The following SLC8A1 variants were observed in gnomAD, a reference collection of about 807,000 sequenced individuals.
The protein encoded by SLC8A1 is sodium/calcium exchanger 1.
SLC8A1 carries 18 observed loss-of-function variants against 68.3 expected under a neutral mutation model. The ratio of observed to expected loss-of-function variants is 0.26; its 90% confidence interval spans 0.18 to 0.39. The LOEUF (loss-of-function observed/expected upper bound fraction) is 0.39. Among genes scored for constraint, SLC8A1 ranks in the 10% least tolerant of loss-of-function variants. The pLI is 1.00. For synonymous variants in SLC8A1, 475 were observed against 415.5 expected, an observed-to-expected ratio of 1.14 and a Z score of -1.74; for missense variants, 985 against 1,156.7, an observed-to-expected ratio of 0.85 and a Z score of 2.15.
At chr2:40,228,954 TAAGA>T (rs1392507455) in intron 2 of SLC8A1, among the ~76,000 whole-genome samples, 4 of 152,164 alleles carry the variant, frequency 2.6e-5, no homozygotes, top group African/African-American at 9.7e-5. Context: ...TTATTAACCA[TAAGA>T]AAGGAAAAGC....
intron 2 of SLC8A1, among the ~76,000 whole-genome samples, chr2:40,346,733 G>A (rs1192929988): frequency 6.6e-6 from 1 of 152,064 alleles, no homozygotes; most frequent in African/African-American, 2.4e-5. Context: ...TGTTTTGTCT[G>A]CATCCTGTCT....
intron 2 of SLC8A1, among the ~76,000 whole-genome samples, chr2:40,381,030 G>A (rs1221530595): frequency 6.6e-6 from 1 of 151,974 alleles, no homozygotes; most frequent in African/African-American, 2.4e-5. Flanking sequence ...ACTTAGGATT[G>A]GTCAATTCCC....
chr2:40,208,334 C>T (rs1028110282), intron 2 of SLC8A1: 14 of 152,134 alleles, frequency 9.2e-5, no homozygotes, highest in Non-Finnish European at 1.8e-4. Context: ...TCTAAAATCT[C>T]AGATATACAC....
chr2:40,380,364 C>T (rs918001), intron 2 of SLC8A1, among the ~76,000 whole-genome samples: 87,076 of 152,100 alleles, frequency 0.57, 26,072 homozygotes, highest in African/African-American at 0.73. Context: ...CTATGAAATG[C>T]CTTTAGCATA....
rs193149251 is a variant in SLC8A1 at position 40,442,488 on chromosome 2, C to A, written c.-25+9416G>T. Among the ~76,000 whole-genome samples the A allele has an allele frequency of 3.3e-5, 5 of 150,646 alleles. No individual in the cohort carries two copies. In the East Asian group the frequency reaches 9.8e-4, roughly 29 times the overall value. On this transcript the variant is annotated intron_variant, in intron 1 of 7. Coordinates refer to ENST00000406785, the Ensembl canonical transcript of SLC8A1. ...CAAAAGAAGTCATTTATGCAGCCAACAAACATATCAAGAAAAGCTCATCAT... is the reference window on the plus strand; with the variant it reads ...CAAAAGAAGTCATTTATGCAGCCAAAAAACATATCAAGAAAAGCTCATCAT...
At chr2:40,411,866 T>C (rs1012654261) in intron 2 of SLC8A1, among the ~76,000 whole-genome samples, 7 of 152,222 alleles carry the variant, frequency 4.6e-5, no homozygotes, top group African/African-American at 1.7e-4. Context: ...GGGTATCCTG[T>C]TTTTATACAG....
chr2:40,227,095 C>G (rs1478875595), intron 2 of SLC8A1, among the ~76,000 whole-genome samples: 1 of 152,066 alleles, frequency 6.6e-6, no homozygotes, highest in African/African-American at 2.4e-5. Context: ...CTTGATTATT[C>G]TGGCTGGGTA....
chr2:40,414,180 T>C (rs1352280419), intron 2 of SLC8A1, among the ~76,000 whole-genome samples: 4 of 152,132 alleles, frequency 2.6e-5, no homozygotes, highest in Admixed American at 6.6e-5. Context: ...ATGAGTGAAA[T>C]TGTATTATTT....
intron 2 of SLC8A1, among the ~76,000 whole-genome samples, chr2:40,273,870 T>TC (rs1253848898): frequency 1.3e-5 from 2 of 150,078 alleles, no homozygotes; most frequent in African/African-American, 2.5e-5. Flanking sequence ...AGTCCTTTTT[T>TC]TTTTTTTTTT....
intron 2 of SLC8A1, among the ~76,000 whole-genome samples, chr2:40,295,516 A>T (rs895851908): frequency 6.6e-6 from 1 of 152,210 alleles, no homozygotes; most frequent in Middle Eastern, 3.2e-3. Context: ...ATCTATAAAC[A>T]TTAGTAAAGA....
chr2:40,502,238 G>T (rs1219913949), intron 1 of SLC8A1, among the ~76,000 whole-genome samples: 4 of 151,994 alleles, frequency 2.6e-5, no homozygotes, highest in Non-Finnish European at 1.5e-5. Flanking sequence ...TCCCAATTTA[G>T]CTTCCCTTTC....
chr2:40,196,777 T>C (rs1385522216), intron 2 of SLC8A1, among the ~76,000 whole-genome samples: 1 of 152,052 alleles, frequency 6.6e-6, no homozygotes, highest in Non-Finnish European at 1.5e-5. Context: ...TTTACACTTT[T>C]CCATGACGCT....
chr2:40,133,710 C>A (rs532467104), intron 7 of SLC8A1, among the ~76,000 whole-genome samples: 10 of 57,804 alleles, frequency 1.7e-4, no homozygotes, highest in Non-Finnish European at 3.0e-4. Context: ...ATCCCCCCCC[C>A]CCACCGACTC....
At chr2:40,270,566 A>T (rs1337798933) in intron 2 of SLC8A1, among the ~76,000 whole-genome samples, 1 of 152,106 alleles carries the variant, frequency 6.6e-6, no homozygotes, top group East Asian at 1.9e-4. Flanking sequence ...CTGTCCTTCC[A>T]TAGTTGCATT....
At chr2:40,360,513 T>G (rs1021508363) in intron 2 of SLC8A1, among the ~76,000 whole-genome samples, 1 of 152,200 alleles carries the variant, frequency 6.6e-6, no homozygotes. Context: ...TTCCTGAGAA[T>G]GTACTGTGTG....
In SLC8A1 at chr2:40,212,281, A is replaced by ATGTTTTTTT. The variant is rs371395367; in HGVS notation, c.1809-34427_1809-34426insAAAAAAACA. Among the ~76,000 whole-genome samples, 817 of 118,120 alleles carry ATGTTTTTTT rather than the reference A, an allele frequency of 6.9e-3. 81 individuals carry two copies. The highest frequency in any genetic ancestry group is 0.019 in the African/African-American group (614 of 32,226). The allele number at this position is 118,120 out of a possible 152,430, so 77.5% of individuals were successfully genotyped here. On this transcript the variant is annotated intron_variant, in intron 2 of 7. Transcript: ENST00000406785. ...AGGTGCTAAACAGAAGAGATGCAAT[A>ATGTTTTTTT]TCTTTTTTTTTTTTTTTTTTCCTGA...
chr2:40,199,533 G>A (rs1256083361), intron 2 of SLC8A1, among the ~76,000 whole-genome samples: 1 of 151,276 alleles, frequency 6.6e-6, no homozygotes, highest in Non-Finnish European at 1.5e-5. Flanking sequence ...AACAATACTA[G>A]ATCAAAAAGG....
Position 40,478,859 on chromosome 2 carries a change from C to T in SLC8A1, c.-25+33490G>A, listed in dbSNP as rs538334456. 8.6e-5 allele frequency among the ~76,000 whole-genome samples: 13 copies of T among 151,980 alleles called. No homozygotes were observed. The South Asian group carries it at 2.3e-3, about 27-fold the overall frequency. ...CAGTCCCAGCTCACTGCAACCTCCG[C>T]CTCCTGGGTTCAAGCAATTCTCATG... On this transcript the variant is annotated intron_variant, in intron 1 of 7. Transcript: ENST00000402441.
intron 1 of SLC8A1, among the ~76,000 whole-genome samples, chr2:40,450,786 G>A (rs1465424418): frequency 6.6e-6 from 1 of 152,200 alleles, no homozygotes; most frequent in Non-Finnish European, 1.5e-5. Context: ...GCTTCAAAAG[G>A]ATACCTAGCG....
Sources: allele counts gnomAD v4.1 joint callset (sites outside exome capture counted in the v4.1 genomes callset), GRCh38; gene constraint gnomAD v4.1.1; transcripts MANE v1.5; gene names NCBI Gene and HGNC (gene_info 2026-07-23, HGNC 2026-07-21).